Variants in GLRA2 observed in about 807,000 individuals in gnomAD.
The protein encoded by GLRA2 is glycine receptor subunit alpha-2.
A neutral mutation model predicts 31.6 loss-of-function variants in GLRA2; 11 were observed. The ratio of observed to expected loss-of-function variants is 0.35; its 90% CI spans 0.22 to 0.58. The LOEUF is 0.58. Among genes scored for constraint, GLRA2 ranks in the 20% least tolerant of loss-of-function variants. The pLI, the probability that GLRA2 is intolerant of heterozygous loss-of-function variation, is 0.84. For missense variants in GLRA2, 212 were observed against 351.8 expected (o/e 0.60, Z 3.18); for synonymous variants, 132 against 134.0 (o/e 0.99, Z 0.10).
the GLRA2 span, among the ~76,000 whole-genome samples, chrX:14,493,534 C>T: frequency 9.6e-6 from 1 of 104,524 alleles, no homozygotes; most frequent in Non-Finnish European, 1.9e-5. Flanking sequence ...CATATATACA[C>T]ATATATATAC....
At chrX:14,498,584 C>T in the GLRA2 span, among the ~76,000 whole-genome samples, 1 of 110,691 alleles carries the variant, frequency 9.0e-6, no homozygotes, top group East Asian at 2.8e-4. Flanking sequence ...GGATATCTGT[C>T]ACCTTAAATA....
chrX:14,507,346 C>T, the GLRA2 span, among the ~76,000 whole-genome samples: 8 of 111,911 alleles, frequency 7.1e-5, no homozygotes, highest in African/African-American at 2.3e-4. Context: ...CTTTTTTAGC[C>T]GTTAAGTGGG....
At chrX:14,451,760 A>G in the GLRA2 span, among the ~76,000 whole-genome samples, 1,067 of 110,038 alleles carry the variant, frequency 9.7e-3, 19 homozygotes, top group African/African-American at 0.033. Context: ...CACAGGCTCA[A>G]AGGAAAGGAG....
intron 2 of GLRA2, among the ~76,000 whole-genome samples, chrX:14,566,174 C>T (rs932885042): frequency 1.8e-5 from 2 of 111,234 alleles, no homozygotes; most frequent in African/African-American, 6.5e-5. Flanking sequence ...GAGAAGATTA[C>T]GAATAATTTA....
intron 3 of GLRA2, chrX:14,574,640 C>A: frequency 1.4e-6 from 1 of 735,591 alleles, no homozygotes; most frequent in South Asian, 2.4e-5. Flanking sequence ...ATTTGTGAGA[C>A]ATTTACTGAG....
the GLRA2 span, among the ~76,000 whole-genome samples, chrX:14,513,841 A>G: frequency 8.9e-6 from 1 of 112,066 alleles, no homozygotes; most frequent in Non-Finnish European, 1.9e-5. Context: ...TACAACCACT[A>G]TGGAAAACAG....
chrX:14,717,423 C>T (rs1036747355), intron 8 of GLRA2, among the ~76,000 whole-genome samples: 1 of 110,052 alleles, frequency 9.1e-6, no homozygotes, highest in Non-Finnish European at 1.9e-5. Flanking sequence ...ACAGTTTTAC[C>T]TCTCATTGAT....
intron 7 of GLRA2, among the ~76,000 whole-genome samples, chrX:14,655,934 C>G (rs2090935569): frequency 9.0e-6 from 1 of 111,277 alleles, no homozygotes; most frequent in South Asian, 3.8e-4. Context: ...TTTTTCTAAC[C>G]CAGGTCACTT....
intron 7 of GLRA2, among the ~76,000 whole-genome samples, chrX:14,659,521 CTTAA>C (rs914669229): frequency 8.9e-6 from 1 of 111,859 alleles, no homozygotes; most frequent in Non-Finnish European, 1.9e-5. Context: ...ATGTTGTTTT[CTTAA>C]TTAATATGTC....
intron 7 of GLRA2, among the ~76,000 whole-genome samples, chrX:14,632,231 C>T (rs2090658093): frequency 9.1e-6 from 1 of 109,936 alleles, no homozygotes; most frequent in African/African-American, 3.3e-5. Flanking sequence ...ATATTTTAAC[C>T]AAATTTTTTA....
intron 7 of GLRA2, among the ~76,000 whole-genome samples, chrX:14,610,597 G>T (rs1310686068): frequency 9.0e-6 from 1 of 111,473 alleles, no homozygotes; most frequent in East Asian, 2.8e-4. Flanking sequence ...TCCCAAACAG[G>T]TTCATTTGCT....
In GLRA2 at chrX:14,716,694, C is replaced by A. The variant is rs915328008; in HGVS notation, c.1081-13513C>A. ...ATTTTGACATGCTCCCAGGAGCTCA[C>A]CCCTCTGGTGAGCAAAGATAATAGT... On this transcript the variant is annotated intron_variant, in intron 8 of 8. Transcript: ENST00000218075. Among the ~76,000 whole-genome samples, 30 of 111,532 alleles carry A rather than the reference C, an allele frequency of 2.7e-4. 1 individual carries two copies. The highest frequency in any genetic ancestry group is 1.5e-4 in the Non-Finnish European group (8 of 53,032).
At chrX:14,617,530 T>C (rs1247527228) in intron 7 of GLRA2, among the ~76,000 whole-genome samples, 2 of 111,775 alleles carry the variant, frequency 1.8e-5, no homozygotes, top group African/African-American at 6.5e-5. Flanking sequence ...AATGGGACAA[T>C]GGCAAATGCA....
intron 6 of GLRA2, among the ~76,000 whole-genome samples, chrX:14,608,614 A>C: frequency 9.1e-6 from 1 of 110,277 alleles, no homozygotes; most frequent in Middle Eastern, 4.7e-3. Flanking sequence ...AACATATTAT[A>C]ACCCCCCAAA....
rs1186008798 is a variant in GLRA2, at chrX:14,731,050, C to G, written c.*565C>G. The G allele has an allele frequency of 8.9e-6, 1 of 112,100 alleles. No individual in the cohort carries two copies. The highest frequency in any genetic ancestry group is 2.8e-4 in the East Asian group (1 of 3,563). The allele number at this position is 112,100 out of a possible 1,213,427, so 9.2% of individuals were successfully genotyped here. A position where few individuals can be genotyped will look rare whatever the true frequency, so the allele number is the denominator to read the frequency against. ...AATGCTGCCTCGTTTTTAAAACAAGCCTCCTAAGCTATGTTCTTTACAATG... is the reference window on the plus strand; with the variant it reads ...AATGCTGCCTCGTTTTTAAAACAAGGCTCCTAAGCTATGTTCTTTACAATG... On this transcript the variant is annotated 3_prime_UTR_variant, in exon 9 of 9. Coordinates refer to ENST00000218075, the MANE Select transcript of GLRA2 (RefSeq NM_002063.4).
intron 7 of GLRA2, among the ~76,000 whole-genome samples, chrX:14,682,379 G>C: frequency 9.0e-6 from 1 of 110,961 alleles, no homozygotes; most frequent in African/African-American, 3.3e-5. Flanking sequence ...AAGGCAGGTG[G>C]TGATCTTAAA....
chrX:14,585,915 C>T (rs2090075669), intron 4 of GLRA2, among the ~76,000 whole-genome samples: 1 of 112,091 alleles, frequency 8.9e-6, no homozygotes, highest in Admixed American at 9.5e-5. Flanking sequence ...AATGTTCTGT[C>T]TTGATACTCT....
chrX:14,560,727 G>C (rs1270467770), intron 2 of GLRA2, among the ~76,000 whole-genome samples: 5 of 97,584 alleles, frequency 5.1e-5, no homozygotes, highest in African/African-American at 1.9e-4. Flanking sequence ...TGAGGTAAAA[G>C]AGCAAGGCTG....
intron 2 of GLRA2, among the ~76,000 whole-genome samples, chrX:14,544,087 T>C (rs76041340): frequency 8.9e-6 from 1 of 111,923 alleles, no homozygotes; most frequent in Non-Finnish European, 1.9e-5. Context: ...GGCTTTCATT[T>C]TGATTCATGG....
Sources: gnomAD v4.1 joint callset for allele counts (sites outside exome capture counted in the v4.1 genomes callset) on GRCh38, gnomAD v4.1.1 for gene constraint, MANE v1.5 for transcripts, NCBI Gene and HGNC (gene_info 2026-07-23, HGNC 2026-07-21) for gene names.